HSD17B4: variants seen among roughly 807,000 people sequenced by gnomAD.
HSD17B4 encodes the protein hydroxysteroid 17-beta dehydrogenase 4, also known as peroxisomal multifunctional enzyme type 2.
In HSD17B4, 70 loss-of-function variants were observed where a neutral mutation model predicts 101.0. That is an observed-to-expected ratio of 0.69 (90% confidence interval 0.57 to 0.85). The LOEUF is 0.85. Among genes scored for constraint, HSD17B4 ranks in the 40% least tolerant of loss-of-function variants. The pLI, the probability that HSD17B4 is intolerant of heterozygous loss-of-function variation, is 0.00. For missense variants in HSD17B4, 984 were observed against 892.4 expected (o/e 1.10, Z -1.31); for synonymous variants, 347 against 297.1 (o/e 1.17, Z -1.73).
chr5:119,525,782 C>T (rs1753538058), intron 18 of HSD17B4, 135 bp from the exon 19 acceptor site: 2 of 595,166 alleles, frequency 3.4e-6, no homozygotes, highest in South Asian at 3.9e-5. Flanking sequence ...AAAATATCTA[C>T]TGTGTTTCTT....
At chr5:119,507,783 C>T (rs747317850) in intron 15 of HSD17B4, among the ~76,000 whole-genome samples, 5 of 116,834 alleles carry the variant, frequency 4.3e-5, no homozygotes, top group African/African-American at 1.4e-4. Flanking sequence ...GACTCTGTAC[C>T]AAAAAAAAAA....
At chr5:119,468,939 G>GT (rs373776362) in intron 2 of HSD17B4, among the ~76,000 whole-genome samples, 159 of 137,918 alleles carry the variant, frequency 1.2e-3, no homozygotes, top group Middle Eastern at 7.5e-3. Context: ...TTGAATTCTT[G>GT]TTTTTTTTTT....
At chr5:119,456,584 A>G in intron 2 of HSD17B4, 2 of 556,360 alleles carry the variant, frequency 3.6e-6, no homozygotes, top group Non-Finnish European at 3.2e-6. Context: ...AACAGAATTG[A>G]TAACGAAGGG....
Position 119,497,440 on chromosome 5 carries a change from C to T in HSD17B4, c.972+794C>T, listed in dbSNP as rs147521337. 4.0e-4 allele frequency among the ~76,000 whole-genome samples: 61 copies of T among 152,228 alleles called. No homozygotes were observed. In the East Asian group the frequency reaches 0.01, roughly 25 times the overall value. ...TTCCATATACAGTTCTCATTCTACCCGTTCATAGTTCTTTATCTCTTTAAG... is the reference window on the plus strand; with the variant it reads ...TTCCATATACAGTTCTCATTCTACCTGTTCATAGTTCTTTATCTCTTTAAG... On this transcript the variant is annotated intron_variant, in intron 12 of 23. Coordinates refer to ENST00000510025, the MANE Select transcript of HSD17B4 (RefSeq NM_000414.4).
At chr5:119,462,406 G>C (rs551537348) in intron 2 of HSD17B4, among the ~76,000 whole-genome samples, 2 of 151,490 alleles carry the variant, frequency 1.3e-5, no homozygotes, top group East Asian at 3.9e-4. Flanking sequence ...ATAGACTTAG[G>C]GACCCGTGGT....
At chr5:119,530,856 AAAAAAAAC>A (rs1289565109) in intron 21 of HSD17B4, among the ~76,000 whole-genome samples, 2 of 146,792 alleles carry the variant, frequency 1.4e-5, no homozygotes, top group African/African-American at 2.5e-5. Context: ...AAAAAAAAAA[AAAAAAAAC>A]AAAAAACAAA....
chr5:119,505,969 G>C (rs1183437878), intron 14 of HSD17B4, among the ~76,000 whole-genome samples: 3 of 151,986 alleles, frequency 2.0e-5, no homozygotes, highest in Non-Finnish European at 4.4e-5. Context: ...CCGGTATTCT[G>C]ACTGCTTTTA....
chr5:119,484,264 T>C (rs1749409327), intron 8 of HSD17B4, among the ~76,000 whole-genome samples: 1 of 152,196 alleles, frequency 6.6e-6, no homozygotes, highest in Non-Finnish European at 1.5e-5. Flanking sequence ...TTCTATAGAC[T>C]ATTCCTCATT....
At chr5:119,461,827 A>T (rs986509174) in intron 2 of HSD17B4, among the ~76,000 whole-genome samples, 2 of 152,136 alleles carry the variant, frequency 1.3e-5, no homozygotes, top group African/African-American at 2.4e-5. Flanking sequence ...TGAGACTTCA[A>T]TGAGCTATCA....
At chr5:119,495,154 A>G (rs1175945488) in intron 11 of HSD17B4, among the ~76,000 whole-genome samples, 1 of 151,984 alleles carries the variant, frequency 6.6e-6, no homozygotes, top group East Asian at 1.9e-4. Context: ...AATGGTTAAC[A>G]TTTTTGTATT....
At chr5:119,454,669 T>C (rs552583477) in intron 1 of HSD17B4, among the ~76,000 whole-genome samples, 1 of 152,160 alleles carries the variant, frequency 6.6e-6, no homozygotes, top group Non-Finnish European at 1.5e-5. Context: ...TTGCCGAGGC[T>C]GGAGTGCAGT....
At chr5:119,471,601 C>T in intron 2 of HSD17B4, 1 of 881,684 alleles carries the variant, frequency 1.1e-6, no homozygotes. Flanking sequence ...TACCATTATG[C>T]TATTTATTAA....
chr5:119,493,733 C>A lies in HSD17B4; in HGVS notation c.740-85C>A, dbSNP rs969894130. The A allele has an allele frequency of 3.9e-6, 5 of 1,267,462 alleles. No homozygotes were observed. In the Admixed American group the frequency reaches 7.1e-5, roughly 18 times the overall value. The allele number at this position is 1,267,462 out of a possible 1,614,324, so 78.5% of individuals were successfully genotyped here. On this transcript the variant is annotated intron_variant, in intron 10 of 23. Transcript: ENST00000510025. ...CCCTTTTTTTCTGAATTTCCTTTCT[C>A]TTTAAAAATGAAAGGGTTCTTATGC... is the stretch of plus-strand genomic sequence containing the variant.
chr5:119,467,652 T>C (rs1000839767), intron 2 of HSD17B4, among the ~76,000 whole-genome samples: 3 of 152,228 alleles, frequency 2.0e-5, no homozygotes, highest in Non-Finnish European at 2.9e-5. Flanking sequence ...GGTTCACTTA[T>C]ACATTTATAT....
chr5:119,499,856 T>G (rs1751000744), intron 13 of HSD17B4, among the ~76,000 whole-genome samples: 1 of 152,150 alleles, frequency 6.6e-6, no homozygotes, highest in Non-Finnish European at 1.5e-5. Context: ...ATCTCTAGGC[T>G]TCAGTTTCCT....
chr5:119,505,081 G>T (rs941003214), intron 14 of HSD17B4, among the ~76,000 whole-genome samples: 2 of 152,000 alleles, frequency 1.3e-5, no homozygotes, highest in Non-Finnish European at 2.9e-5. Flanking sequence ...TTTACTTCTG[G>T]GTTCTCTGTT....
intron 4 of HSD17B4, among the ~76,000 whole-genome samples, chr5:119,475,269 A>G (rs2287712): frequency 0.19 from 28,491 of 152,030 alleles, 4,197 homozygotes; most frequent in East Asian, 0.42. Flanking sequence ...GTATCAAGAT[A>G]AGGCATCAGT....
chr5:119,535,640 T>A (rs1754466028), intron 22 of HSD17B4: 1 of 148,364 alleles, frequency 6.7e-6, no homozygotes, highest in African/African-American at 2.5e-5. Context: ...TGGGTTTTTT[T>A]CTTTGTGTTT....
intron 2 of HSD17B4, among the ~76,000 whole-genome samples, chr5:119,469,360 A>C (rs1008945266): frequency 7.1e-6 from 1 of 141,232 alleles, no homozygotes; most frequent in Admixed American, 7.1e-5. Context: ...TTATTTCTTT[A>C]TTTATCCACC....
Sources: allele counts gnomAD v4.1 joint callset (sites outside exome capture counted in the v4.1 genomes callset), GRCh38; gene constraint gnomAD v4.1.1; transcripts MANE v1.5; gene names NCBI Gene and HGNC (gene_info 2026-07-23, HGNC 2026-07-21).